The following ACCSL variants were observed in gnomAD, a reference collection of about 807,000 sequenced individuals.
ACCSL encodes the protein probable inactive 1-aminocyclopropane-1-carboxylate synthase-like protein 2.
ACCSL carries 55 observed loss-of-function variants against 61.7 expected under a neutral mutation model. The ratio of observed to expected loss-of-function variants is 0.89; its 90% CI spans 0.72 to 1.12. The LOEUF is 1.12. Among genes scored for constraint, ACCSL ranks in the 50% most tolerant of loss-of-function variants. The pLI is 0.00. For missense variants in ACCSL, 632 were observed against 698.0 expected (o/e 0.91, Z 1.07); for synonymous variants, 258 against 264.3 (o/e 0.98, Z 0.23).
the ACCSL span, among the ~76,000 whole-genome samples, chr11:44,019,131 A>G: frequency 2.0e-5 from 3 of 152,170 alleles, no homozygotes; most frequent in African/African-American, 7.2e-5. Flanking sequence ...ATGAATCAGT[A>G]CTCATTTTCC....
the ACCSL span, among the ~76,000 whole-genome samples, chr11:43,974,905 A>C: frequency 6.6e-6 from 1 of 152,206 alleles, no homozygotes; most frequent in African/African-American, 2.4e-5. Context: ...GCAGCCCCCA[A>C]ATTCCTGTAA....
At chr11:43,936,556 G>C in the ACCSL span, among the ~76,000 whole-genome samples, 2 of 148,538 alleles carry the variant, frequency 1.3e-5, no homozygotes, top group South Asian at 4.2e-4. Flanking sequence ...TGGCACCCAG[G>C]GGCATTGCTT....
intron 9 of ACCSL, among the ~76,000 whole-genome samples, 183 bp from the exon 10 acceptor site, chr11:44,055,857 T>C (rs1406615575): frequency 1.3e-5 from 2 of 152,268 alleles, no homozygotes; most frequent in Non-Finnish European, 2.9e-5. Flanking sequence ...CTGTGCCCTC[T>C]AGGTCTTCAG....
the ACCSL span, among the ~76,000 whole-genome samples, chr11:43,926,229 C>T: frequency 3.3e-5 from 5 of 152,152 alleles, no homozygotes; most frequent in African/African-American, 4.8e-5. Flanking sequence ...AGTGGCCTTG[C>T]GTTGATGCTC....
chr11:44,052,358 T>C (rs1424222644), intron 5 of ACCSL, among the ~76,000 whole-genome samples: 6 of 152,212 alleles, frequency 3.9e-5, no homozygotes, highest in East Asian at 1.9e-4. Context: ...CTGATAACCA[T>C]TGCTCCATCT....
At chr11:43,940,259 T>C in the ACCSL span, among the ~76,000 whole-genome samples, 4 of 150,538 alleles carry the variant, frequency 2.7e-5, no homozygotes, top group Non-Finnish European at 4.4e-5. Flanking sequence ...GGATTACGGG[T>C]GTGAGCCACC....
the ACCSL span, among the ~76,000 whole-genome samples, chr11:44,039,529 T>C: frequency 2.0e-4 from 30 of 152,218 alleles, no homozygotes; most frequent in African/African-American, 6.3e-4. Context: ...GGGTGAGAGA[T>C]AAAAGACTAT....
chr11:44,058,487 T>A, intron 12 of ACCSL, 28 bp downstream of exon 12: 3 of 1,614,136 alleles, frequency 1.9e-6, no homozygotes, highest in Non-Finnish European at 2.5e-6. Context: ...GGACAGGTGT[T>A]CTTGGGCAGA....
the ACCSL span, among the ~76,000 whole-genome samples, chr11:44,004,273 C>T: frequency 2.0e-5 from 3 of 151,944 alleles, no homozygotes; most frequent in East Asian, 1.9e-4. Flanking sequence ...AGGGCAGTCA[C>T]GAGCTTGAGT....
chr11:43,923,138 G>A, the ACCSL span, among the ~76,000 whole-genome samples: 7 of 152,196 alleles, frequency 4.6e-5, no homozygotes, highest in African/African-American at 1.4e-4. Context: ...CTATAGAGCC[G>A]TCTCCTGAAT....
At chr11:43,924,050 T>C in the ACCSL span, among the ~76,000 whole-genome samples, 2 of 152,194 alleles carry the variant, frequency 1.3e-5, no homozygotes, top group Admixed American at 1.3e-4. Context: ...GACTTTTAGC[T>C]CTGGATGCAA....
chr11:44,008,579 T>C, the ACCSL span, among the ~76,000 whole-genome samples: 217 of 152,390 alleles, frequency 1.4e-3, 1 homozygote, highest in African/African-American at 4.8e-3. Flanking sequence ...AGAAGATGGC[T>C]TGGGACCGGC....
At chr11:44,056,137 A>G (rs765046876) in intron 10 of ACCSL, 48 bp from the exon 11 acceptor site, 2 of 1,614,238 alleles carry the variant, frequency 1.2e-6, no homozygotes, top group Admixed American at 3.3e-5. Flanking sequence ...AGCCAGGAAT[A>G]GAAGGCAGAC....
In ACCSL at chr11:44,053,497, T is replaced by G; in HGVS notation, c.1040T>G (p.Phe347Cys). 1 of 1,613,970 alleles carries G rather than the reference T, an allele frequency of 6.2e-7. No homozygotes were observed. Residue 347 changes from phenylalanine (F) to cysteine (C), a missense_variant, in exon 8 of 14, where the codon TTT (phenylalanine) becomes TGT (cysteine). By Grantham distance (205) the Phe-to-Cys change is radical. Coordinates refer to ENST00000378832, the MANE Select transcript of ACCSL (RefSeq NM_001031854.2). ...GACTCACTGATGAAATACCTGGAAT[T>G]TGCCAAGAGGTATGAGTTCTACCCC... Reference protein sequence around the residue: ...SPDSLMKYLEFAKRYNLHVII... With the variant: ...SPDSLMKYLECAKRYNLHVII...
the ACCSL span, among the ~76,000 whole-genome samples, chr11:43,975,456 C>CA: frequency 2.6e-5 from 4 of 152,296 alleles, no homozygotes; most frequent in African/African-American, 7.2e-5. Flanking sequence ...ACTATTCATG[C>CA]AGACAGAATG....
At chr11:44,027,008 G>A in the ACCSL span, among the ~76,000 whole-genome samples, 7 of 152,246 alleles carry the variant, frequency 4.6e-5, no homozygotes, top group Admixed American at 2.6e-4. Flanking sequence ...GATTACAGGC[G>A]TGAGCCACCG....
At position 44,058,701 on chromosome 11, in the gene ACCSL, T is replaced by C. The variant is rs1392002503; in HGVS notation, c.1624+2T>C. On this transcript the variant is annotated splice_donor_variant, in intron 13 of 13. Coordinates refer to ENST00000378832, the MANE Select transcript of ACCSL (RefSeq NM_001031854.2). LOFTEE classifies it high-confidence loss of function. ...ATGAGCTCCCCCGGCTAAAATTGGG[T>C]GAGTGGAGCTGACCTCCCAATCCTT... 6.2e-7 allele frequency: 1 copy of C among 1,608,074 alleles called. No homozygotes were observed. The highest frequency in any genetic ancestry group is 1.7e-5 in the Admixed American group (1 of 59,674).
chr11:43,937,157 A>T, the ACCSL span, among the ~76,000 whole-genome samples: 2 of 152,074 alleles, frequency 1.3e-5, no homozygotes, highest in Non-Finnish European at 2.9e-5. Flanking sequence ...GGAGCCGTGG[A>T]AGCAGGGCAC....
At chr11:43,959,084 T>G in the ACCSL span, among the ~76,000 whole-genome samples, 1 of 152,014 alleles carries the variant, frequency 6.6e-6, no homozygotes. Context: ...TCAATTCAAT[T>G]CCCAAAGGCC....
Sources: allele counts gnomAD v4.1 joint callset (sites outside exome capture counted in the v4.1 genomes callset), GRCh38; gene constraint gnomAD v4.1.1; transcripts MANE v1.5; gene names NCBI Gene and HGNC (gene_info 2026-07-23, HGNC 2026-07-21).